The following PDE4B variants were observed in gnomAD, a reference collection of about 807,000 sequenced individuals.
PDE4B encodes phosphodiesterase 4B.
A neutral mutation model predicts 82.2 loss-of-function variants in PDE4B; 20 were observed. The observed-to-expected ratio is 0.24, with a 90% confidence interval of 0.17 to 0.35. PDE4B has a LOEUF of 0.35. PDE4B is among the 10% of genes least tolerant of loss of function. The pLI is 1.00. For synonymous variants in PDE4B, 320 were observed against 318.9 expected (o/e 1.00, Z -0.04); for missense variants, 655 against 907.2 (o/e 0.72, Z 3.57).
At chr1:66,160,336 G>A (rs1646585249) in intron 3 of PDE4B, among the ~76,000 whole-genome samples, 1 of 152,164 alleles carries the variant, frequency 6.6e-6, no homozygotes, top group African/African-American at 2.4e-5. Flanking sequence ...TGAACCAATG[G>A]CTTCCTCATT....
intron 3 of PDE4B, among the ~76,000 whole-genome samples, chr1:66,133,385 A>G (rs924217981): frequency 2.0e-5 from 3 of 152,214 alleles, no homozygotes; most frequent in Non-Finnish European, 4.4e-5. Flanking sequence ...CATTTCACAA[A>G]CTTGGGAATA....
At chr1:65,841,074 A>G (rs1418941138) in intron 1 of PDE4B, among the ~76,000 whole-genome samples, 1 of 152,122 alleles carries the variant, frequency 6.6e-6, no homozygotes, top group Non-Finnish European at 1.5e-5. Flanking sequence ...AGGTAGGTGG[A>G]TTGCCTGAGC....
At chr1:66,319,817 G>T (rs1381916584) in intron 7 of PDE4B, among the ~76,000 whole-genome samples, 1 of 152,164 alleles carries the variant, frequency 6.6e-6, no homozygotes, top group Non-Finnish European at 1.5e-5. Flanking sequence ...CTATAAAATG[G>T]TATTTAGGGA....
At position 66,061,294 on chromosome 1, in the gene PDE4B, A is replaced by G. The variant is rs1008477377; in HGVS notation, c.281+142459A>G. ...ACTGATTGGCAATATAACATTTATT[A>G]TTTTCCCTGTAATACCGTTATTAGA... On this transcript the variant is annotated intron_variant, in intron 3 of 16. Coordinates refer to ENST00000341517, the MANE Select transcript of PDE4B (RefSeq NM_002600.4). Among the ~76,000 whole-genome samples the G allele has an allele frequency of 3.3e-5, 5 of 150,538 alleles. No individual in the cohort carries two copies. In the South Asian group the frequency reaches 8.6e-4, roughly 26 times the overall value.
At chr1:65,847,941 C>A (rs1194353568) in intron 1 of PDE4B, among the ~76,000 whole-genome samples, 1 of 146,458 alleles carries the variant, frequency 6.8e-6, no homozygotes, top group East Asian at 2.0e-4. Flanking sequence ...GATGACTGGG[C>A]CAATTGTTTT....
At chr1:66,273,946 C>T (rs1230753040) in intron 7 of PDE4B, among the ~76,000 whole-genome samples, 1 of 152,210 alleles carries the variant, frequency 6.6e-6, no homozygotes, top group African/African-American at 2.4e-5. Flanking sequence ...CTTTGTTATC[C>T]ATCACTTCAG....
intron 3 of PDE4B, among the ~76,000 whole-genome samples, chr1:66,122,942 G>A (rs1397178915): frequency 6.6e-6 from 1 of 151,926 alleles, no homozygotes; most frequent in African/African-American, 2.4e-5. Context: ...CTGACCTCAG[G>A]GGATCTGTCT....
At chr1:66,035,378 A>T (rs1228761512) in intron 3 of PDE4B, among the ~76,000 whole-genome samples, 1 of 152,106 alleles carries the variant, frequency 6.6e-6, no homozygotes, top group Non-Finnish European at 1.5e-5. Flanking sequence ...CTGCTACATT[A>T]TTATTAACTA....
At chr1:66,291,175 T>A (rs1327147475) in intron 7 of PDE4B, among the ~76,000 whole-genome samples, 1 of 152,196 alleles carries the variant, frequency 6.6e-6, no homozygotes, top group Non-Finnish European at 1.5e-5. Context: ...AGTGCTTTTA[T>A]ATGTAGTATT....
intron 7 of PDE4B, among the ~76,000 whole-genome samples, chr1:66,314,332 G>T (rs1163571296): frequency 6.6e-6 from 1 of 152,204 alleles, no homozygotes; most frequent in South Asian, 2.1e-4. Context: ...ACCTACAATA[G>T]CTCCATGCAT....
chr1:65,888,996 G>T (rs1300033936), intron 1 of PDE4B, among the ~76,000 whole-genome samples: 1 of 152,038 alleles, frequency 6.6e-6, no homozygotes, highest in Non-Finnish European at 1.5e-5. Context: ...AGTGAGAGTG[G>T]GCATCCTTGT....
intron 3 of PDE4B, among the ~76,000 whole-genome samples, chr1:65,949,290 G>A (rs370337555): frequency 1.3e-5 from 2 of 152,146 alleles, no homozygotes; most frequent in East Asian, 1.9e-4. Flanking sequence ...CTCATAGAAC[G>A]GACCCATTGC....
chr1:65,824,311 T>C (rs557933693), intron 1 of PDE4B, among the ~76,000 whole-genome samples: 1 of 152,222 alleles, frequency 6.6e-6, no homozygotes, highest in East Asian at 1.9e-4. Context: ...ATATTTAATA[T>C]TGCACAATCA....
intron 12 of PDE4B, 101 bp from the exon 13 acceptor site, chr1:66,365,566 C>T: frequency 1.7e-6 from 1 of 576,856 alleles, no homozygotes; most frequent in Non-Finnish European, 3.2e-6. Flanking sequence ...ATCAACAATC[C>T]CTCTCCCAAC....
chr1:66,271,886 A>T (rs1163208478), intron 7 of PDE4B, among the ~76,000 whole-genome samples: 1 of 152,356 alleles, frequency 6.6e-6, no homozygotes, highest in Non-Finnish European at 1.5e-5. Context: ...TTCCCTGAAT[A>T]AACAGTCTCC....
At chr1:65,936,696 TG>T (rs1648165270) in intron 3 of PDE4B, among the ~76,000 whole-genome samples, 1 of 152,162 alleles carries the variant, frequency 6.6e-6, no homozygotes, top group African/African-American at 2.4e-5. Context: ...GTTATGGTAT[TG>T]GCCTAGGGAC....
intron 3 of PDE4B, among the ~76,000 whole-genome samples, chr1:66,043,012 G>T (rs1180628272): frequency 1.3e-5 from 2 of 151,582 alleles, no homozygotes; most frequent in African/African-American, 4.8e-5. Context: ...ATAAACCTAG[G>T]ATTATAAAAA....
chr1:65,962,820 C>G (rs1305528564), intron 3 of PDE4B, among the ~76,000 whole-genome samples: 2 of 152,142 alleles, frequency 1.3e-5, no homozygotes, highest in East Asian at 3.9e-4. Context: ...ATTAGGGGGG[C>G]CATGTAATTT....
At chr1:66,307,438 G>A (rs1031349960) in intron 7 of PDE4B, among the ~76,000 whole-genome samples, 1 of 152,152 alleles carries the variant, frequency 6.6e-6, no homozygotes, top group African/African-American at 2.4e-5. Flanking sequence ...ATGGTTAAAA[G>A]CGGAGATAGA....
Sources: allele counts gnomAD v4.1 joint callset (sites outside exome capture counted in the v4.1 genomes callset), GRCh38; gene constraint gnomAD v4.1.1; transcripts MANE v1.5; gene names NCBI Gene and HGNC (gene_info 2026-07-23, HGNC 2026-07-21).